Variants in GALNTL6 observed in about 807,000 individuals in gnomAD.
The protein encoded by GALNTL6 is polypeptide N-acetylgalactosaminyltransferase-like 6.
Under a neutral mutation model 73.7 loss-of-function variants are expected in GALNTL6, and 46 were observed. The observed-to-expected ratio is 0.62, with a 90% confidence interval of 0.49 to 0.80. GALNTL6 has a LOEUF of 0.80. Among genes scored for constraint, GALNTL6 ranks in the 30% least tolerant of loss-of-function variants. The pLI is 0.00. For synonymous variants in GALNTL6, 259 were observed against 263.7 expected, an observed-to-expected ratio of 0.98 and a Z score of 0.17; for missense variants, 604 against 755.0, an observed-to-expected ratio of 0.80 and a Z score of 2.34.
At chr4:172,765,987 A>G (rs930060472) in intron 5 of GALNTL6, among the ~76,000 whole-genome samples, 2 of 152,186 alleles carry the variant, frequency 1.3e-5, no homozygotes, top group African/African-American at 4.8e-5. Flanking sequence ...AAAAAAGGAA[A>G]ACCATTCAGG....
At chr4:172,676,349 T>G (rs998698401) in intron 5 of GALNTL6, among the ~76,000 whole-genome samples, 6 of 152,232 alleles carry the variant, frequency 3.9e-5, no homozygotes, top group African/African-American at 1.4e-4. Flanking sequence ...GACTTCTCTC[T>G]GGTACTTCCA....
chr4:171,829,181 A>G (rs1734900549), intron 2 of GALNTL6, among the ~76,000 whole-genome samples: 1 of 151,996 alleles, frequency 6.6e-6, no homozygotes, highest in Admixed American at 6.6e-5. Flanking sequence ...GCTTCCTACA[A>G]TGTCTTTCTT....
intron 3 of GALNTL6, among the ~76,000 whole-genome samples, chr4:172,293,320 A>C (rs1739536031): frequency 6.6e-6 from 1 of 152,202 alleles, no homozygotes; most frequent in African/African-American, 2.4e-5. Context: ...CATCATGTGC[A>C]ATTACATAAT....
intron 2 of GALNTL6, among the ~76,000 whole-genome samples, chr4:171,868,447 G>A (rs955392178): frequency 1.3e-5 from 2 of 152,088 alleles, no homozygotes; most frequent in African/African-American, 2.4e-5. Context: ...CGGCAAAGTC[G>A]TCTCTTCTCT....
intron 3 of GALNTL6, among the ~76,000 whole-genome samples, chr4:172,310,001 C>A (rs762308876): frequency 1.3e-5 from 2 of 151,850 alleles, no homozygotes; most frequent in Non-Finnish European, 2.9e-5. Flanking sequence ...AAGGATGAAC[C>A]TGAAAATCTA....
chr4:171,836,690 A>G (rs890680159), intron 2 of GALNTL6, among the ~76,000 whole-genome samples: 1 of 152,134 alleles, frequency 6.6e-6, no homozygotes, highest in Non-Finnish European at 1.5e-5. Context: ...TAACACATTC[A>G]ACTTTTTCAG....
chr4:172,814,183 G>A (rs986827597), intron 7 of GALNTL6, among the ~76,000 whole-genome samples: 5 of 152,108 alleles, frequency 3.3e-5, no homozygotes, highest in East Asian at 1.9e-4. Context: ...TAACGGAAGC[G>A]TGCTCCTAAG....
intron 2 of GALNTL6, among the ~76,000 whole-genome samples, chr4:172,021,222 C>T (rs1579065808): frequency 1.3e-5 from 2 of 151,980 alleles, no homozygotes; most frequent in African/African-American, 2.4e-5. Context: ...AGATCTGGAA[C>T]ATGACAAGGC....
At chr4:172,831,622 G>A (rs1248881683) in intron 7 of GALNTL6, among the ~76,000 whole-genome samples, 2 of 152,150 alleles carry the variant, frequency 1.3e-5, no homozygotes, top group African/African-American at 2.4e-5. Context: ...GACAGGAACC[G>A]GAACTGGATG....
At chr4:171,978,859 T>TAGAG (rs1233850798) in intron 2 of GALNTL6, among the ~76,000 whole-genome samples, 1 of 152,144 alleles carries the variant, frequency 6.6e-6, no homozygotes, top group African/African-American at 2.4e-5. Context: ...ATATTTTAGA[T>TAGAG]AGATGATAGA....
At chr4:172,333,282 G>C (rs981687911) in intron 4 of GALNTL6, among the ~76,000 whole-genome samples, 6 of 152,130 alleles carry the variant, frequency 3.9e-5, no homozygotes, top group Non-Finnish European at 7.3e-5. Flanking sequence ...GTGCATGCCT[G>C]TAATCCCAGC....
intron 5 of GALNTL6, among the ~76,000 whole-genome samples, chr4:172,648,130 T>C (rs1455120): frequency 0.37 from 56,389 of 151,984 alleles, 11,470 homozygotes; most frequent in African/African-American, 0.52. Flanking sequence ...GACCTTTAGC[T>C]GTGTCAGATT....
intron 2 of GALNTL6, among the ~76,000 whole-genome samples, chr4:171,910,715 A>G (rs1049961357): frequency 2.0e-5 from 3 of 152,186 alleles, no homozygotes; most frequent in African/African-American, 7.2e-5. Flanking sequence ...ATGGTTAACA[A>G]TCCAAACTTG....
intron 5 of GALNTL6, among the ~76,000 whole-genome samples, chr4:172,754,350 C>A (rs1351767691): frequency 6.6e-6 from 1 of 152,142 alleles, no homozygotes; most frequent in Non-Finnish European, 1.5e-5. Context: ...GTGGTTGGAT[C>A]ACCTGAGGTC....
At chr4:172,883,130 T>C (rs1745547741) in intron 8 of GALNTL6, among the ~76,000 whole-genome samples, 1 of 152,190 alleles carries the variant, frequency 6.6e-6, no homozygotes, top group Non-Finnish European at 1.5e-5. Context: ...TGTGAAATTT[T>C]GAAACATGTA....
chr4:172,854,365 T>C (rs1187293446), intron 7 of GALNTL6, among the ~76,000 whole-genome samples: 1 of 152,204 alleles, frequency 6.6e-6, no homozygotes, highest in Non-Finnish European at 1.5e-5. Flanking sequence ...TCATAGAATA[T>C]AAGTATAAAT....
At chr4:172,762,201 G>A (rs923931092) in intron 5 of GALNTL6, among the ~76,000 whole-genome samples, 6 of 152,146 alleles carry the variant, frequency 3.9e-5, no homozygotes, top group East Asian at 1.9e-4. Context: ...CTGCAAAAGC[G>A]TACTTGAGCA....
At chr4:172,064,043 G>A (rs1360659869) in intron 2 of GALNTL6, among the ~76,000 whole-genome samples, 1 of 152,090 alleles carries the variant, frequency 6.6e-6, no homozygotes, top group Non-Finnish European at 1.5e-5. Flanking sequence ...TAATGGTTCT[G>A]TCTCTCCAAA....
intron 2 of GALNTL6, among the ~76,000 whole-genome samples, chr4:171,962,022 T>C (rs576340391): frequency 2.6e-4 from 40 of 152,218 alleles, no homozygotes; most frequent in South Asian, 8.3e-4. Flanking sequence ...ATATAACCTT[T>C]TGTCAGAACG....
Sources: allele counts gnomAD v4.1 joint callset (sites outside exome capture counted in the v4.1 genomes callset), GRCh38; gene constraint gnomAD v4.1.1; transcripts MANE v1.5; gene names NCBI Gene and HGNC (gene_info 2026-07-23, HGNC 2026-07-21).